ARHGAP26: variants seen among roughly 807,000 people sequenced by gnomAD.
ARHGAP26 encodes the protein Rho GTPase activating protein 26.
A neutral mutation model predicts 104.8 loss-of-function variants in ARHGAP26; 38 were observed. The observed-to-expected ratio is 0.36, with a 90% CI of 0.28 to 0.48. The LOEUF is 0.48. ARHGAP26 is among the 20% of genes least tolerant of loss of function. The pLI is 0.99. For missense variants in ARHGAP26, 704 were observed against 947.9 expected, an observed-to-expected ratio of 0.74 and a Z score of 3.38; for synonymous variants, 341 against 340.0, an observed-to-expected ratio of 1.00 and a Z score of -0.03.
intron 11 of ARHGAP26, among the ~76,000 whole-genome samples, chr5:143,002,918 T>C (rs1465624381): frequency 6.6e-6 from 1 of 152,222 alleles, no homozygotes; most frequent in African/African-American, 2.4e-5. Flanking sequence ...AGTAGTTCCT[T>C]CTAGAAGCTT....
intron 1 of ARHGAP26, among the ~76,000 whole-genome samples, chr5:142,838,881 C>T (rs899640325): frequency 6.6e-6 from 1 of 152,212 alleles, no homozygotes; most frequent in Non-Finnish European, 1.5e-5. Context: ...AGGGACAAAG[C>T]TGAGACTAGA....
At chr5:143,144,407 A>G (rs186686523) in intron 19 of ARHGAP26, among the ~76,000 whole-genome samples, 4 of 151,720 alleles carry the variant, frequency 2.6e-5, no homozygotes, top group Admixed American at 2.6e-4. Context: ...CTTTATTATT[A>G]TTATTATTTT....
intron 11 of ARHGAP26, among the ~76,000 whole-genome samples, chr5:142,949,033 G>A (rs1358762206): frequency 3.3e-5 from 5 of 151,570 alleles, no homozygotes; most frequent in African/African-American, 1.2e-4. Flanking sequence ...TGAACCTGGG[G>A]GGCGGAGGTT....
intron 1 of ARHGAP26, among the ~76,000 whole-genome samples, chr5:142,845,265 T>C (rs1303709170): frequency 6.6e-6 from 1 of 152,056 alleles, no homozygotes. Flanking sequence ...TACCAGGAAC[T>C]GTGTCTAGGT....
chr5:143,108,534 T>C (rs1468462564), intron 17 of ARHGAP26, among the ~76,000 whole-genome samples: 1 of 152,110 alleles, frequency 6.6e-6, no homozygotes, highest in African/African-American at 2.4e-5. Context: ...TTTGGTAGAC[T>C]GGCCCTTGAA....
At chr5:143,185,392 A>T (rs186272862) in intron 20 of ARHGAP26, among the ~76,000 whole-genome samples, 9 of 152,240 alleles carry the variant, frequency 5.9e-5, no homozygotes, top group African/African-American at 2.2e-4. Context: ...TAGAAACAAC[A>T]AAGTTTCTTT....
At chr5:143,195,665 A>G (rs1010260044) in intron 20 of ARHGAP26, among the ~76,000 whole-genome samples, 1 of 152,240 alleles carries the variant, frequency 6.6e-6, no homozygotes, top group African/African-American at 2.4e-5. Flanking sequence ...TGCAGTAGGC[A>G]GAGAAACAGT....
chr5:143,075,615 C>G (rs950703338), intron 17 of ARHGAP26, among the ~76,000 whole-genome samples: 2 of 152,118 alleles, frequency 1.3e-5, no homozygotes, highest in African/African-American at 4.8e-5. Context: ...CAAGTGATTT[C>G]TATTTACACT....
Position 143,056,769 on chromosome 5 carries a change from G to A in ARHGAP26, c.1432+683G>A, listed in dbSNP as rs572528193. ...CACAGTATTATTATGTCGATAACTT[G>A]TGTCTCTCCCGGGTTCCTTTCAGCC... On this transcript the variant is annotated intron_variant, in intron 16 of 22. Transcript: ENST00000645722. 5.1e-4 allele frequency among the ~76,000 whole-genome samples: 77 copies of A among 152,238 alleles called. No homozygotes were observed. In the South Asian group the frequency reaches 0.015, roughly 29 times the overall value.
chr5:142,944,871 C>T (rs1473828069), intron 11 of ARHGAP26, among the ~76,000 whole-genome samples: 3 of 152,138 alleles, frequency 2.0e-5, no homozygotes, highest in Non-Finnish European at 4.4e-5. Context: ...CTTTCCTTAA[C>T]TGATTAGAAT....
Position 143,037,028 on chromosome 5 carries a change from A to T in ARHGAP26, c.1145-168A>T, listed in dbSNP as rs746260112. On this transcript the variant is annotated intron_variant, in intron 12 of 22. Transcript: ENST00000645722. ...CTAGCATATGGAAAGCTCTCAATCA[A>T]TGCCAGCTATTATTATTATTATTAT... 3.9e-5 allele frequency among the ~76,000 whole-genome samples: 6 copies of T among 152,180 alleles called. No individual in the cohort carries two copies. In the South Asian group the frequency reaches 1.0e-3, roughly 26 times the overall value.
chr5:142,942,675 A>G (rs1766535431), intron 11 of ARHGAP26, among the ~76,000 whole-genome samples: 2 of 152,188 alleles, frequency 1.3e-5, no homozygotes, highest in Non-Finnish European at 2.9e-5. Flanking sequence ...ATATTTAGAG[A>G]CTTTTCCTAT....
Position 143,079,498 on chromosome 5 carries a change from A to G in ARHGAP26, c.1538+21751A>G, listed in dbSNP as rs564106503. ...CTTTTCAGAGTTAACGGTGCTGTGC[A>G]GCTGATTTGATTATTACATTTAACT... On this transcript the variant is annotated intron_variant, in intron 17 of 22. Coordinates refer to ENST00000645722, the MANE Select transcript of ARHGAP26 (RefSeq NM_001135608.3). Among the ~76,000 whole-genome samples, 79 of 152,350 alleles carry G rather than the reference A, an allele frequency of 5.2e-4. No homozygotes were observed. In the South Asian group the frequency reaches 0.016, roughly 30 times the overall value.
intron 1 of ARHGAP26, among the ~76,000 whole-genome samples, chr5:142,796,346 C>T (rs1760992040): frequency 6.6e-6 from 1 of 152,174 alleles, no homozygotes; most frequent in African/African-American, 2.4e-5. Context: ...TATTTAATCT[C>T]TTAGGACCGT....
chr5:143,063,128 C>A (rs1454412915), intron 17 of ARHGAP26, among the ~76,000 whole-genome samples: 1 of 152,208 alleles, frequency 6.6e-6, no homozygotes, highest in African/African-American at 2.4e-5. Context: ...TGGCCTGATA[C>A]CCCCACGCAG....
At chr5:142,846,224 G>C (rs1771915836) in intron 1 of ARHGAP26, among the ~76,000 whole-genome samples, 1 of 152,226 alleles carries the variant, frequency 6.6e-6, no homozygotes, top group Non-Finnish European at 1.5e-5. Flanking sequence ...ACAGTTACCT[G>C]TGTGAGGGTG....
chr5:142,903,480 C>A (rs1760668987), intron 7 of ARHGAP26, 60 bp from the exon 8 acceptor site: 19 of 1,561,912 alleles, frequency 1.2e-5, no homozygotes, highest in Non-Finnish European at 1.6e-5. Context: ...TTAGGTTGAT[C>A]TGGATTGTTA....
intron 11 of ARHGAP26, among the ~76,000 whole-genome samples, chr5:143,005,238 T>G (rs1345229572): frequency 6.6e-6 from 1 of 152,242 alleles, no homozygotes; most frequent in Non-Finnish European, 1.5e-5. Context: ...GAATCCCATG[T>G]CCCTTCATTC....
In ARHGAP26 at chr5:143,050,683, G is replaced by T. The variant is rs185842254; in HGVS notation, c.1286-3756G>T. Among the ~76,000 whole-genome samples the T allele has an allele frequency of 2.7e-3, 416 of 152,302 alleles. 1 individual carries two copies. The highest frequency in any genetic ancestry group is 9.5e-3 in the African/African-American group (394 of 41,558). ...GAAACAGCCCAGACTTTGAAGACTG[G>T]AGCCTACTGGAGTAGGGGAACCATG... On this transcript the variant is annotated intron_variant, in intron 14 of 22. Coordinates refer to ENST00000645722, the MANE Select transcript of ARHGAP26 (RefSeq NM_001135608.3).
Sources: allele counts gnomAD v4.1 joint callset (sites outside exome capture counted in the v4.1 genomes callset), GRCh38; gene constraint gnomAD v4.1.1; transcripts MANE v1.5; gene names NCBI Gene and HGNC (gene_info 2026-07-23, HGNC 2026-07-21).